Variants in MTHFD1 observed in about 807,000 individuals in gnomAD.
MTHFD1 encodes C-1-tetrahydrofolate synthase, cytoplasmic.
In MTHFD1, 44 loss-of-function variants were observed where a neutral mutation model predicts 110.3. The observed-to-expected ratio is 0.40, with a 90% confidence interval of 0.31 to 0.51. The LOEUF is 0.51. Ranked by LOEUF, MTHFD1 falls within the 20% of genes least tolerant of loss-of-function variation. The pLI is 0.60. For missense variants in MTHFD1, 909 were observed against 1,173.1 expected (o/e 0.77, Z 3.29); for synonymous variants, 402 against 428.8 (o/e 0.94, Z 0.77).
intron 19 of MTHFD1, 65 bp from the exon 20 acceptor site, chr14:64,441,989 T>C: frequency 2.9e-6 from 3 of 1,035,272 alleles, no homozygotes; most frequent in Middle Eastern, 2.0e-4. Flanking sequence ...TCCATACCGT[T>C]GAATGTGTGA....
chr14:64,439,528 T>C (rs1420516470), intron 17 of MTHFD1, among the ~76,000 whole-genome samples: 1 of 152,224 alleles, frequency 6.6e-6, no homozygotes, highest in Admixed American at 6.6e-5. Context: ...AAAGAAACAA[T>C]AAGCGCATGA....
At chr14:64,445,394 GAAC>G (rs1400803025) in intron 22 of MTHFD1, among the ~76,000 whole-genome samples, 1 of 152,128 alleles carries the variant, frequency 6.6e-6, no homozygotes, top group Non-Finnish European at 1.5e-5. Flanking sequence ...GGAGGCTAGA[GAAC>G]AACTGTGAGC....
At chr14:64,422,216 T>G (rs902495367) in intron 8 of MTHFD1, among the ~76,000 whole-genome samples, 4 of 152,180 alleles carry the variant, frequency 2.6e-5, no homozygotes, top group Non-Finnish European at 5.9e-5. Flanking sequence ...AGCTGGATGT[T>G]ATTGTGTTCC....
chr14:64,441,588 C>T (rs560848072), intron 19 of MTHFD1, 135 bp downstream of exon 19: 466 of 744,196 alleles, frequency 6.3e-4, no homozygotes, highest in Non-Finnish European at 8.4e-4. Context: ...GGGCAGATCA[C>T]AAGGTCAGGA....
Position 64,454,748 on chromosome 14 carries a change from T to C in MTHFD1, c.2591T>C (p.Met864Thr). 1 of 1,614,018 alleles carries C rather than the reference T, an allele frequency of 6.2e-7. No individual in the cohort carries two copies. The highest frequency in any genetic ancestry group is 1.1e-5 in the South Asian group (1 of 91,084). Reference protein sequence around the residue: ...KQGFGNLPICMAKTHLSLSHN... With the variant: ...KQGFGNLPICTAKTHLSLSHN... ...GGCTTTGGGAATCTCCCCATCTGCA[T>C]GGCTAAAACACACTTGTCTTTGTCT... The change falls in exon 26 of 28, where the codon ATG (methionine) becomes ACG (threonine). Residue 864 changes from methionine to threonine, a missense_variant. Physicochemically the swap from Met to Thr is moderately conservative, Grantham distance 81 (BLOSUM62 -1). This residue lies in a region of MTHFD1 where 482 missense variants were observed against 646.0 expected (regional missense o/e 0.75). Transcript: ENST00000652337.
At chr14:64,434,033 A>T (rs1051109825) in intron 15 of MTHFD1, among the ~76,000 whole-genome samples, 2 of 152,132 alleles carry the variant, frequency 1.3e-5, no homozygotes, top group East Asian at 3.9e-4. Context: ...GTCTCAAAAA[A>T]AATTGGGTTT....
chr14:64,392,732 A>C (rs1187492365), intron 1 of MTHFD1, among the ~76,000 whole-genome samples: 1 of 152,198 alleles, frequency 6.6e-6, no homozygotes, highest in Admixed American at 6.5e-5. Context: ...CCTAACTCAT[A>C]AGGTTGTTAG....
At position 64,449,193 on chromosome 14, in the gene MTHFD1, A is replaced by G. The variant is rs1401833254; in HGVS notation, c.2280-252A>G. The G allele has an allele frequency of 9.2e-6, 5 of 542,590 alleles. No individual in the cohort carries two copies. The Admixed American group carries it at 1.5e-4, about 16-fold the overall frequency. 33.6% of individuals were successfully genotyped at this position (542,590 alleles called of 1,614,324 possible). A position where few individuals can be genotyped will look rare whatever the true frequency, so the allele number is the denominator to read the frequency against. ...ATGGATTTACCATCTGAGTCTCATAACGTCCCAATGAAATAAGTGCTGTGA... is the reference window on the plus strand; with the variant it reads ...ATGGATTTACCATCTGAGTCTCATAGCGTCCCAATGAAATAAGTGCTGTGA... On this transcript the variant is annotated intron_variant, in intron 23 of 27. Transcript: ENST00000652337.
At chr14:64,433,063 C>G (rs1365514038) in intron 15 of MTHFD1, among the ~76,000 whole-genome samples, 3 of 151,676 alleles carry the variant, frequency 2.0e-5, no homozygotes, top group Admixed American at 2.0e-4. Flanking sequence ...CGTCTGGCCA[C>G]AAGGGATTTT....
At chr14:64,449,397 T>A in intron 23 of MTHFD1, 48 bp from the exon 24 acceptor site, 1 of 1,598,712 alleles carries the variant, frequency 6.3e-7, no homozygotes, top group South Asian at 1.1e-5. Flanking sequence ...GACAATTCTG[T>A]CTCTCCAGCC....
chr14:64,393,665 A>G (rs1441123316), intron 1 of MTHFD1, among the ~76,000 whole-genome samples: 1 of 152,146 alleles, frequency 6.6e-6, no homozygotes, highest in Non-Finnish European at 1.5e-5. Flanking sequence ...GTGGTTTGCA[A>G]ATAAGTGTCT....
intron 6 of MTHFD1, among the ~76,000 whole-genome samples, chr14:64,416,440 C>A (rs1451867779): frequency 6.6e-6 from 1 of 152,082 alleles, no homozygotes; most frequent in Non-Finnish European, 1.5e-5. Flanking sequence ...CCCCCACCCC[C>A]AAAATGGGCA....
chr14:64,389,573 G>A (rs1021216796), intron 1 of MTHFD1, among the ~76,000 whole-genome samples: 1 of 152,114 alleles, frequency 6.6e-6, no homozygotes, highest in African/African-American at 2.4e-5. Context: ...GCCGAGTGTG[G>A]TGGCAGGCAT....
chr14:64,406,812 C>A (rs1165895357), intron 2 of MTHFD1, among the ~76,000 whole-genome samples: 1 of 152,136 alleles, frequency 6.6e-6, no homozygotes, highest in Admixed American at 6.6e-5. Flanking sequence ...TATAGAGTGT[C>A]TACAATAATT....
At chr14:64,458,417 ATTTCT>A (rs2078509417) in intron 27 of MTHFD1, 110 bp downstream of exon 27, 4 of 806,194 alleles carry the variant, frequency 5.0e-6, no homozygotes, top group South Asian at 2.8e-5. Context: ...CTTTCAAAAC[ATTTCT>A]TTTCAGACTT....
At chr14:64,437,262 A>G (rs1034312615) in intron 16 of MTHFD1, among the ~76,000 whole-genome samples, 14 of 152,222 alleles carry the variant, frequency 9.2e-5, no homozygotes, top group Non-Finnish European at 2.1e-4. Flanking sequence ...AGCTTCTCAC[A>G]TCCTTACACT....
chr14:64,398,117 T>A (rs1281555390), intron 1 of MTHFD1, among the ~76,000 whole-genome samples: 1 of 152,114 alleles, frequency 6.6e-6, no homozygotes, highest in East Asian at 1.9e-4. Context: ...CCCTGTTCCC[T>A]TGTCTCAGAG....
chr14:64,402,412 C>T (rs2077904741), intron 2 of MTHFD1, among the ~76,000 whole-genome samples: 1 of 152,146 alleles, frequency 6.6e-6, no homozygotes, highest in African/African-American at 2.4e-5. Flanking sequence ...TTAATTTTCA[C>T]CCAAAAACTC....
At chr14:64,433,670 A>G (rs2140969754) in intron 15 of MTHFD1, among the ~76,000 whole-genome samples, 1 of 149,934 alleles carries the variant, frequency 6.7e-6, no homozygotes, top group African/African-American at 2.5e-5. Context: ...CTACCTTGGC[A>G]TACCAAAGTG....
Sources: gnomAD v4.1 joint callset for allele counts (sites outside exome capture counted in the v4.1 genomes callset) on GRCh38, gnomAD v4.1.1 for gene constraint, gnomAD v4.1.1 regional missense constraint, MANE v1.5 for transcripts, NCBI Gene and HGNC (gene_info 2026-07-23, HGNC 2026-07-21) for gene names.